The following MAP4 variants were observed in gnomAD, a reference collection of about 807,000 sequenced individuals.
MAP4 encodes the protein microtubule associated protein 4, also known as microtubule-associated protein 4.
MAP4 carries 76 observed loss-of-function variants against 170.2 expected under a neutral mutation model. The ratio of observed to expected loss-of-function variants is 0.45; its 90% CI spans 0.37 to 0.54. MAP4 has a LOEUF of 0.54. Ranked by LOEUF, MAP4 falls within the 20% of genes least tolerant of loss-of-function variation. The pLI, the probability that MAP4 is intolerant of heterozygous loss-of-function variation, is 0.00. For missense variants in MAP4, 2,506 were observed against 2,748.0 expected, an observed-to-expected ratio of 0.91 and a Z score of 1.97; for synonymous variants, 909 against 994.5, an observed-to-expected ratio of 0.91 and a Z score of 1.62.
At chr3:47,975,402 T>C (rs2100081397) in intron 3 of MAP4, 6 of 1,557,840 alleles carry the variant, frequency 3.9e-6, no homozygotes, top group Non-Finnish European at 5.2e-6. Flanking sequence ...AGTATAACGA[T>C]GCTTAGGAAA....
At chr3:48,027,588 T>TA (rs1455299390) in intron 1 of MAP4, among the ~76,000 whole-genome samples, 2 of 152,170 alleles carry the variant, frequency 1.3e-5, no homozygotes, top group Non-Finnish European at 2.9e-5. Context: ...CTCAGTCCTG[T>TA]AATCCCAGAA....
chr3:48,004,863 A>T (rs1026410711), intron 1 of MAP4, among the ~76,000 whole-genome samples: 25 of 151,734 alleles, frequency 1.6e-4, no homozygotes, highest in African/African-American at 6.1e-4. Context: ...CAACCTTTCC[A>T]TCTTTGTCTA....
intron 3 of MAP4, among the ~76,000 whole-genome samples, chr3:47,965,643 T>C (rs1237370629): frequency 1.3e-5 from 2 of 152,232 alleles, no homozygotes; most frequent in Non-Finnish European, 2.9e-5. Flanking sequence ...TGCATTTCTC[T>C]AATGATTAAT....
chr3:47,872,877 A>C (rs1404435220), intron 12 of MAP4, among the ~76,000 whole-genome samples: 1 of 152,234 alleles, frequency 6.6e-6, no homozygotes, highest in Admixed American at 6.5e-5. Context: ...ACAAAAACTA[A>C]AAATTATGTT....
chr3:47,881,504 T>G (rs1376272247), intron 10 of MAP4, among the ~76,000 whole-genome samples: 2 of 93,282 alleles, frequency 2.1e-5, no homozygotes, highest in East Asian at 3.4e-4. Flanking sequence ...ATATGCATAA[T>G]CATTATATAT....
chr3:47,926,525 G>C (rs1299367473), intron 4 of MAP4, among the ~76,000 whole-genome samples: 1 of 151,870 alleles, frequency 6.6e-6, no homozygotes, highest in Non-Finnish European at 1.5e-5. Context: ...CTACCTATCT[G>C]TCTGTCTGTC....
intron 1 of MAP4, among the ~76,000 whole-genome samples, chr3:48,080,575 A>G (rs893057312): frequency 6.6e-6 from 1 of 152,170 alleles, no homozygotes; most frequent in Admixed American, 6.6e-5. Flanking sequence ...GGCCAGGAAC[A>G]GTGGCTCACA....
intron 1 of MAP4, among the ~76,000 whole-genome samples, chr3:48,078,818 T>C (rs2100145150): frequency 6.6e-6 from 1 of 152,134 alleles, no homozygotes; most frequent in African/African-American, 2.4e-5. Flanking sequence ...TTTCTATTCC[T>C]AAAAGAGAAA....
chr3:47,973,920 C>A (rs1394036713), intron 3 of MAP4: 1 of 984,984 alleles, frequency 1.0e-6, no homozygotes, highest in Non-Finnish European at 1.2e-6. Context: ...TAAGCATAAC[C>A]TCTTTCCTTT....
intron 1 of MAP4, among the ~76,000 whole-genome samples, chr3:48,043,376 C>T (rs1001868646): frequency 2.0e-5 from 3 of 152,188 alleles, no homozygotes; most frequent in African/African-American, 7.2e-5. Flanking sequence ...GCTGTGATTA[C>T]AGGCATGAGC....
rs541490407 is a variant in MAP4 at position 47,906,803 on chromosome 3, A to C, written c.5383+2235T>G. 8.6e-5 allele frequency among the ~76,000 whole-genome samples: 13 copies of C among 151,800 alleles called. No homozygotes were observed. In the East Asian group the frequency reaches 1.9e-3, roughly 23 times the overall value. The stretch of plus-strand genomic sequence containing the variant: ...GTACCAGGAAAAAAGATTAAAAAAA[A>C]AAACAAAAAAAAGAGGCCTCTTTCT... On this transcript the variant is annotated intron_variant, in intron 9 of 20. Coordinates refer to ENST00000683076, the MANE Select transcript of MAP4 (RefSeq NM_001385682.1).
intron 1 of MAP4, among the ~76,000 whole-genome samples, chr3:48,049,135 C>T (rs2154547109): frequency 6.6e-6 from 1 of 152,306 alleles, no homozygotes; most frequent in Admixed American, 6.5e-5. Flanking sequence ...CAGTAGTATT[C>T]CATGCTATGG....
Position 47,911,016 on chromosome 3 carries a change from C to T in MAP4, c.3405G>A (p.Glu1135=), listed in dbSNP as rs1486934532. 2.6e-6 allele frequency: 4 copies of T among 1,536,126 alleles called. No homozygotes were observed. The East Asian group carries it at 9.8e-5, about 38-fold the overall frequency. Reference sequence around the variant, plus strand: ...CTTTAGGCTCCCCCATCACCACTGCCTCCGTGAGATCAGCCTTAGTGCCTG... The same window carrying T: ...CTTTAGGCTCCCCCATCACCACTGCTTCCGTGAGATCAGCCTTAGTGCCTG... ...KQPGTKADLT[E]AVVMGEPKEM... is the part of the protein sequence containing the mutation. The change falls in exon 9 of 21, where the codon GAG becomes GAA. Residue 1135 remains glutamate, a synonymous_variant. Transcript: ENST00000683076. This position sits in a 1 kb window ranked among gnomAD's most constrained non-coding sequence, Gnocchi z 4.0.
At chr3:47,896,760 G>A (rs768666728) in intron 10 of MAP4, among the ~76,000 whole-genome samples, 5 of 152,124 alleles carry the variant, frequency 3.3e-5, no homozygotes, top group Non-Finnish European at 7.3e-5. Flanking sequence ...AATCGTAATT[G>A]CAATCACTAA....
chr3:48,084,576 T>C (rs554384181), intron 1 of MAP4, among the ~76,000 whole-genome samples: 2,347 of 138,002 alleles, frequency 0.017, 29 homozygotes, highest in Middle Eastern at 0.041. Flanking sequence ...TTATTACCCC[T>C]TTTTTTTTTT....
At position 47,915,986 on chromosome 3, in the gene MAP4, C is replaced by T; in HGVS notation, c.1841G>A (p.Gly614Glu). 6 of 1,613,782 alleles carry T rather than the reference C, an allele frequency of 3.7e-6. No homozygotes were observed. The highest frequency in any genetic ancestry group is 5.1e-6 in the Non-Finnish European group (6 of 1,179,838). The stretch of plus-strand genomic sequence containing the variant: ...CATGAAAGTAGGTGCAGCTGACTGC[C>T]CCACATCCTGCAGAGATTCTAAATG... ...DSHLESLQDV[G>E]QSAAPTFMIS... Residue 614 changes from glycine to glutamate, a missense_variant, in exon 7 of 21, where the codon GGG (glycine) becomes GAG (glutamate). By Grantham distance (98) the Gly-to-Glu change is moderately conservative. This residue lies in a region of MAP4 where 2,008 missense variants were observed against 2,206.0 expected (regional missense o/e 0.91). Transcript: ENST00000683076.
intron 1 of MAP4, among the ~76,000 whole-genome samples, chr3:48,049,317 T>C (rs1025383602): frequency 6.6e-6 from 1 of 152,216 alleles, no homozygotes; most frequent in Non-Finnish European, 1.5e-5. Context: ...GTATGGTAAG[T>C]ACATGTTTAA....
At chr3:48,080,569 AG>A (rs1053058225) in intron 1 of MAP4, among the ~76,000 whole-genome samples, 2 of 152,202 alleles carry the variant, frequency 1.3e-5, no homozygotes, top group Admixed American at 1.3e-4. Flanking sequence ...TCATTTGGCC[AG>A]GAACAGTGGC....
intron 1 of MAP4, among the ~76,000 whole-genome samples, chr3:48,008,778 T>G (rs866901959): frequency 9.2e-5 from 14 of 152,180 alleles, no homozygotes; most frequent in South Asian, 2.1e-4. Context: ...AAAGTGGCCA[T>G]GGTGGCAGGG....
Sources: allele counts gnomAD v4.1 joint callset (sites outside exome capture counted in the v4.1 genomes callset), GRCh38; gene constraint gnomAD v4.1.1; regional missense constraint gnomAD v4.1.1; non-coding constraint Gnocchi (gnomAD v3.1); transcripts MANE v1.5; gene names NCBI Gene and HGNC (gene_info 2026-07-23, HGNC 2026-07-21).